The following PCNA variants were observed in gnomAD, a reference collection of about 807,000 sequenced individuals.
The protein encoded by PCNA is proliferating cell nuclear antigen, also known as DNA sliding clamp PCNA.
Under a neutral mutation model 27.8 loss-of-function variants are expected in PCNA, and 4 were observed. That is an observed-to-expected ratio of 0.14 (90% CI 0.07 to 0.33). The LOEUF is 0.33. Among genes scored for constraint, PCNA ranks in the 10% least tolerant of loss-of-function variants. The pLI, the probability that PCNA is intolerant of heterozygous loss-of-function variation, is 1.00. For synonymous variants in PCNA, 121 were observed against 119.4 expected, an observed-to-expected ratio of 1.01 and a Z score of -0.09; for missense variants, 165 against 327.4, an observed-to-expected ratio of 0.50 and a Z score of 3.83.
chr20:5,119,416 C>G (rs946420628), intron 1 of PCNA, among the ~76,000 whole-genome samples, 162 bp downstream of exon 1: 2 of 152,260 alleles, frequency 1.3e-5, no homozygotes, highest in Admixed American at 6.5e-5. Flanking sequence ...CGGGCTTTTC[C>G]GAACCGCGCG....
upstream of PCNA, among the ~76,000 whole-genome samples, chr20:5,123,630 G>A (rs1399251611): frequency 1.3e-5 from 2 of 151,750 alleles, no homozygotes; most frequent in Non-Finnish European, 2.9e-5. Flanking sequence ...GGGAGGCAGA[G>A]GTTGCAGTGA....
chr20:5,119,224 C>T (rs1343669449), intron 1 of PCNA, among the ~76,000 whole-genome samples: 1 of 151,342 alleles, frequency 6.6e-6, no homozygotes, highest in South Asian at 2.1e-4. Context: ...CCGGGCAACA[C>T]ACCGAGACCG....
rs1157007949 is a variant in PCNA at position 5,115,172 on chromosome 20, A to G, written c.*111T>C. The G allele has an allele frequency of 1.1e-5, 8 of 704,510 alleles. No homozygotes were observed. The highest frequency in any genetic ancestry group is 8.9e-5 in the African/African-American group (5 of 55,948). The allele number at this position is 704,510 out of a possible 1,614,324, so 43.6% of individuals were successfully genotyped here. ...GTTATTTACAGAAAACAATATCTACATATGTACTTAGAGGTACAAATTTGG... is the reference window on the plus strand; with the variant it reads ...GTTATTTACAGAAAACAATATCTACGTATGTACTTAGAGGTACAAATTTGG... On this transcript the variant is annotated 3_prime_UTR_variant, in exon 6 of 6. Coordinates refer to ENST00000379143, the MANE Select transcript of PCNA (RefSeq NM_182649.2).
At chr20:5,124,639 A>AG (rs2090534974), upstream of PCNA, among the ~76,000 whole-genome samples, 1 of 151,952 alleles carries the variant, frequency 6.6e-6, no homozygotes, top group East Asian at 1.9e-4. Context: ...AAAAAAAAAA[A>AG]CAAAAAACAA....
chr20:5,119,653 T>A lies in PCNA; in HGVS notation c.146A>T (p.Gln49Leu), dbSNP rs1346140320. Reference protein sequence around the residue: ...SMDSSHVSLVQLTLRSEGFDT... With the variant: ...SMDSSHVSLVLLTLRSEGFDT... ...GAAGCCCTCAGACCGCAGGGTGAGC[T>A]GCACCAAAGAGACGTGGGACGAGTC... is the stretch of plus-strand genomic sequence containing the variant. Residue 49 changes from glutamine to leucine, a missense_variant, in exon 1 of 6, where the codon CAG becomes CTG. Physicochemically the swap from Gln to Leu is moderately radical, Grantham distance 113. Coordinates refer to ENST00000379143, the MANE Select transcript of PCNA (RefSeq NM_182649.2). 1 of 1,613,700 alleles carries A rather than the reference T, an allele frequency of 6.2e-7. No individual in the cohort carries two copies. The highest frequency in any genetic ancestry group is 1.1e-5 in the South Asian group (1 of 90,962).
At chr20:5,122,027 G>GCTCTATCACTCACTCTATCACACCA (rs1021652452), upstream of PCNA, among the ~76,000 whole-genome samples, 1 of 150,674 alleles carries the variant, frequency 6.6e-6, no homozygotes, top group African/African-American at 2.4e-5. Context: ...TATCACCCAG[G>GCTCTATCACTCACTCTATCACACCA]CTGGAGTGCA....
intron 1 of PCNA, among the ~76,000 whole-genome samples, 164 bp from the exon 2 acceptor site, chr20:5,119,030 G>C (rs1299751077): frequency 6.6e-6 from 1 of 151,976 alleles, no homozygotes; most frequent in Non-Finnish European, 1.5e-5. Context: ...CAGACGTTTT[G>C]GGACGCATCT....
chr20:5,120,183 C>G (rs1361041001), upstream of PCNA, among the ~76,000 whole-genome samples: 1 of 152,274 alleles, frequency 6.6e-6, no homozygotes, highest in East Asian at 1.9e-4. Context: ...CAGAACAAGT[C>G]CGGGCATATG....
At chr20:5,119,498 G>C (rs1285285648) in intron 1 of PCNA, 80 bp downstream of exon 1, 3 of 1,170,680 alleles carry the variant, frequency 2.6e-6, no homozygotes, top group Non-Finnish European at 3.6e-6. Context: ...AGCCAATGAG[G>C]GCTAGGCTCG....
At chr20:5,116,161 A>G (rs2090473338) in intron 4 of PCNA, among the ~76,000 whole-genome samples, 1 of 152,204 alleles carries the variant, frequency 6.6e-6, no homozygotes, top group Admixed American at 6.5e-5. Context: ...TGGAAGGGGG[A>G]AAATGAAATT....
chr20:5,120,018 G>C, upstream of PCNA: 1 of 573,932 alleles, frequency 1.7e-6, no homozygotes. Context: ...TCACCACGCT[G>C]TCCAGCCCAC....
chr20:5,120,558 T>C (rs960237519), upstream of PCNA, among the ~76,000 whole-genome samples: 5 of 149,936 alleles, frequency 3.3e-5, no homozygotes, highest in South Asian at 2.1e-4. Context: ...TTTTTTTTTT[T>C]CAAAAATGCA....
intron 4 of PCNA, among the ~76,000 whole-genome samples, chr20:5,116,893 C>T (rs2090478992): frequency 6.6e-6 from 1 of 152,200 alleles, no homozygotes; most frequent in South Asian, 2.1e-4. Flanking sequence ...TCTCTAGGTA[C>T]TCTCAAAGTT....
At chr20:5,122,540 T>A (rs1261713163), upstream of PCNA, among the ~76,000 whole-genome samples, 2 of 152,236 alleles carry the variant, frequency 1.3e-5, no homozygotes, top group Non-Finnish European at 2.9e-5. Flanking sequence ...CATTTGTAAG[T>A]TTTGATGTTG....
rs181447680 is a variant in PCNA at position 5,117,241 on chromosome 20, T to A, written c.582+229A>T. Among the ~76,000 whole-genome samples, 54 of 152,336 alleles carry A rather than the reference T, an allele frequency of 3.5e-4. 1 individual carries two copies. In the South Asian group the frequency reaches 9.7e-3, roughly 27 times the overall value. ...TAAGAGCCGGTGTGGACTTGATCCA[T>A]AAACCACTGTTCTGTGGTATGTACA... On this transcript the variant is annotated intron_variant, in intron 4 of 5. Transcript: ENST00000379143.
At chr20:5,124,804 G>A (rs574301943), upstream of PCNA, among the ~76,000 whole-genome samples, 2 of 152,030 alleles carry the variant, frequency 1.3e-5, no homozygotes, top group South Asian at 4.2e-4. Flanking sequence ...TGAGAGGGCT[G>A]AGTGTAATGG....
Position 5,115,509 on chromosome 20 carries a change from T to C in PCNA, c.646A>G (p.Thr216Ala), listed in dbSNP as rs1228025562. The C allele has an allele frequency of 1.2e-6, 2 of 1,613,946 alleles. No homozygotes were observed. Among genetic ancestry groups the C allele is most frequent in the Admixed American group, 1.7e-5 (1 of 60,020 alleles). The change falls in exon 5 of 6, where the codon ACA (threonine) becomes GCA (alanine). Residue 216 changes from threonine (T) to alanine (A), a missense_variant. Thr to Ala is a moderately conservative substitution (Grantham distance 58). Transcript: ENST00000379143. ...TFALRYLNFF[T>A]KATPLSSTVT... ...GTTGAAGAGAGTGGAGTGGCTTTTGTAAAGAAGTTCAGGTACCTCAGTGCA... is the reference window on the plus strand; with the variant it reads ...GTTGAAGAGAGTGGAGTGGCTTTTGCAAAGAAGTTCAGGTACCTCAGTGCA...
chr20:5,120,526 T>A (rs2090512163), upstream of PCNA, among the ~76,000 whole-genome samples: 1 of 150,296 alleles, frequency 6.7e-6, no homozygotes, highest in Admixed American at 6.6e-5. Context: ...CTTTTAAAGC[T>A]TTTTTAAAAG....
chr20:5,126,491 T>G (rs779130699), intron 1 of PCNA: 5 of 152,216 alleles, frequency 3.3e-5, no homozygotes, highest in African/African-American at 4.8e-5. Flanking sequence ...CTAAATAACG[T>G]CTACTTACTT....
Sources: gnomAD v4.1 joint callset for allele counts (sites outside exome capture counted in the v4.1 genomes callset) on GRCh38, gnomAD v4.1.1 for gene constraint, MANE v1.5 for transcripts, NCBI Gene and HGNC (gene_info 2026-07-23, HGNC 2026-07-21) for gene names.